The following KATNAL2 variants were observed in gnomAD, a reference collection of about 807,000 sequenced individuals.
KATNAL2 encodes the protein katanin p60 ATPase-containing subunit A-like 2.
In KATNAL2, 52 loss-of-function variants were observed where a neutral mutation model predicts 76.3. That is an observed-to-expected ratio of 0.68 (90% CI 0.55 to 0.86). KATNAL2 has a LOEUF of 0.86. Among genes scored for constraint, KATNAL2 ranks in the 40% least tolerant of loss-of-function variants. The pLI is 0.00. For synonymous variants in KATNAL2, 243 were observed against 244.2 expected (o/e 1.00, Z 0.05); for missense variants, 660 against 668.9 (o/e 0.99, Z 0.15).
chr18:47,081,269 T>C (rs2062506357), intron 15 of KATNAL2, among the ~76,000 whole-genome samples: 1 of 152,196 alleles, frequency 6.6e-6, no homozygotes, highest in Non-Finnish European at 1.5e-5. Context: ...AGCGGCACTG[T>C]CTAATAGAAA....
In KATNAL2 at chr18:46,946,258, C is replaced by T. The variant is rs761982493; in HGVS notation, c.-308C>T. The T allele has an allele frequency of 1.4e-5, 15 of 1,106,382 alleles. No homozygotes were observed. Among genetic ancestry groups the T allele is most frequent in the Non-Finnish European group, 1.7e-5 (15 of 897,196 alleles). 68.5% of individuals were successfully genotyped at this position (1,106,382 alleles called of 1,614,324 possible). On this transcript the variant is annotated 5_prime_UTR_variant, in exon 2 of 18. Coordinates refer to ENST00000683218, the MANE Select transcript of KATNAL2 (RefSeq NM_001387690.1). ...AGAGGAAAACACGTCCATGTTTTTC[C>T]ACGTCTAATGAGAACAGGTCTGATG...
chr18:46,947,642 A>G (rs1455372326), intron 3 of KATNAL2, among the ~76,000 whole-genome samples: 1 of 152,206 alleles, frequency 6.6e-6, no homozygotes. Context: ...TCTCATTCCT[A>G]GAGGTTCAGA....
rs771558020 is a variant in KATNAL2, at chr18:47,099,384, G to C, written c.1353G>C (p.Leu451=). 1.9e-6 allele frequency: 3 copies of C among 1,613,494 alleles called. No homozygotes were observed. Among genetic ancestry groups the C allele is most frequent in the Admixed American group, 3.3e-5 (2 of 59,982 alleles). ...KSRALELHTE[L]EYSVLSQETE... ...GGGCCTTGGAGCTGCACACAGAGCT[G>C]GAGTACAGTGTGCTGAGCCAGGTCA... Residue 451 remains leucine (L), a synonymous_variant, in exon 16 of 18, where the codon CTG becomes CTC. Transcript: ENST00000683218.
chr18:47,054,451 G>A lies in KATNAL2; in HGVS notation c.332+13G>A. ...GGAAGACCAGAAGGTAAAGTGAATG[G>A]TAATTCTTCTTAATCGACTCGGCTC... On this transcript the variant is annotated intron_variant, in intron 6 of 17. Coordinates refer to ENST00000683218, the MANE Select transcript of KATNAL2 (RefSeq NM_001387690.1). 2 of 1,612,040 alleles carry A rather than the reference G, an allele frequency of 1.2e-6. No individual in the cohort carries two copies. Among genetic ancestry groups the A allele is most frequent in the Admixed American group, 1.7e-5 (1 of 59,996 alleles).
chr18:47,081,175 T>C (rs1048447065), intron 15 of KATNAL2, among the ~76,000 whole-genome samples: 2 of 152,080 alleles, frequency 1.3e-5, no homozygotes, highest in Non-Finnish European at 2.9e-5. Flanking sequence ...TTCCTTTTTT[T>C]TCTCTACCTT....
rs553112824 is a variant in KATNAL2 at position 47,074,132 on chromosome 18, A to G, written c.1009-1145A>G. On this transcript the variant is annotated intron_variant, in intron 13 of 17. Coordinates refer to ENST00000683218, the MANE Select transcript of KATNAL2 (RefSeq NM_001387690.1). ...ATTTGCCCTGAATTAGGTGGTCTCC[A>G]TTGTATCTGAAAGGCATTGTGATGA... Among the ~76,000 whole-genome samples, 342 of 152,322 alleles carry G rather than the reference A, an allele frequency of 2.2e-3. 3 individuals are homozygous for G. The highest frequency in any genetic ancestry group is 0.02 in the Middle Eastern group (6 of 294).
rs184822221 is a variant in KATNAL2, at chr18:46,936,848, C to T, written c.-509-9209C>T. On this transcript the variant is annotated intron_variant, in intron 1 of 17. Coordinates refer to ENST00000683218, the MANE Select transcript of KATNAL2 (RefSeq NM_001387690.1). ...CGGGTGCCTGTAATCCCAGCTACTC[C>T]GGAGGCTTAGGCAGGAGATTCGCTT... is the stretch of plus-strand genomic sequence containing the variant. Among the ~76,000 whole-genome samples the T allele has an allele frequency of 4.9e-3, 740 of 151,908 alleles. 15 individuals carry two copies. The highest frequency in any genetic ancestry group is 2.6e-3 in the Non-Finnish European group (180 of 67,954).
At chr18:47,097,622 C>T (rs1248312183) in intron 15 of KATNAL2, among the ~76,000 whole-genome samples, 1 of 152,106 alleles carries the variant, frequency 6.6e-6, no homozygotes, top group African/African-American at 2.4e-5. Flanking sequence ...GCAGGCTGGC[C>T]TAGATTAAAA....
At chr18:46,920,286 C>A in intron 1 of KATNAL2, 1 of 362,800 alleles carries the variant, frequency 2.8e-6, no homozygotes, top group Admixed American at 3.2e-5. Flanking sequence ...CCAAGTAGAT[C>A]AAGTGTGGAC....
chr18:46,956,030 A>G (rs1450560725), intron 3 of KATNAL2, among the ~76,000 whole-genome samples: 1 of 152,222 alleles, frequency 6.6e-6, no homozygotes. Flanking sequence ...TATTTAAAAA[A>G]TTGACTAACA....
intron 7 of KATNAL2, 130 bp downstream of exon 7, chr18:47,058,482 T>G (rs2061534738): frequency 1.6e-6 from 1 of 611,190 alleles, no homozygotes; most frequent in African/African-American, 1.9e-5. Flanking sequence ...AATTGAATTT[T>G]AGGTTTTCTT....
chr18:47,077,594 T>TA, intron 15 of KATNAL2, 133 bp downstream of exon 15: 2 of 656,302 alleles, frequency 3.0e-6, no homozygotes, highest in Non-Finnish European at 5.5e-6. Flanking sequence ...GTGGAGGCTT[T>TA]ACTGTTCAGG....
chr18:47,040,094 A>G (rs1476817521), intron 3 of KATNAL2, among the ~76,000 whole-genome samples: 1 of 152,238 alleles, frequency 6.6e-6, no homozygotes, highest in Non-Finnish European at 1.5e-5. Flanking sequence ...CTATTCAGCA[A>G]TTAAAAGACA....
chr18:46,925,010 C>A (rs1016335887), intron 1 of KATNAL2, among the ~76,000 whole-genome samples: 66 of 152,270 alleles, frequency 4.3e-4, no homozygotes, highest in African/African-American at 1.2e-3. Flanking sequence ...TCTAAATATA[C>A]AATCATGTCA....
At chr18:47,060,017 G>T in intron 8 of KATNAL2, among the ~76,000 whole-genome samples, 1 of 143,840 alleles carries the variant, frequency 7.0e-6, no homozygotes, top group Non-Finnish European at 1.5e-5. Context: ...TTTTTTAAGA[G>T]ACAGGGTCTT....
At chr18:47,040,824 AT>A (rs2060938350) in intron 3 of KATNAL2, among the ~76,000 whole-genome samples, 1 of 152,106 alleles carries the variant, frequency 6.6e-6, no homozygotes, top group African/African-American at 2.4e-5. Flanking sequence ...TTTTTTTCTC[AT>A]GGTTTTATGC....
intron 3 of KATNAL2, among the ~76,000 whole-genome samples, chr18:46,961,834 C>A (rs1049108001): frequency 2.6e-5 from 4 of 152,162 alleles, no homozygotes; most frequent in African/African-American, 9.7e-5. Flanking sequence ...AAAGTCAAAA[C>A]ACTGCCAGTT....
At chr18:47,034,207 G>C in intron 3 of KATNAL2, 1 of 1,613,850 alleles carries the variant, frequency 6.2e-7, no homozygotes, top group Non-Finnish European at 8.5e-7. Context: ...CAAATGAGCA[G>C]TCGGTGGCTT....
Position 47,101,068 on chromosome 18 carries a change from C to G in KATNAL2, c.*63C>G. On this transcript the variant is annotated 3_prime_UTR_variant, in exon 18 of 18. Coordinates refer to ENST00000683218, the MANE Select transcript of KATNAL2 (RefSeq NM_001387690.1). Reference sequence around the variant, plus strand: ...CAAAGACCTCCTAGTTTATTAATGTCCGTGGGAGAACAAAATGATTGGAAT... The same window carrying G: ...CAAAGACCTCCTAGTTTATTAATGTGCGTGGGAGAACAAAATGATTGGAAT... The G allele has an allele frequency of 6.4e-7, 1 of 1,558,592 alleles. No homozygotes were observed. The highest frequency in any genetic ancestry group is 8.8e-7 in the Non-Finnish European group (1 of 1,136,354).
Sources: gnomAD v4.1 joint callset for allele counts (sites outside exome capture counted in the v4.1 genomes callset) on GRCh38, gnomAD v4.1.1 for gene constraint, MANE v1.5 for transcripts, NCBI Gene and HGNC (gene_info 2026-07-23, HGNC 2026-07-21) for gene names.